The following CNOT6L variants were observed in gnomAD, a reference collection of about 807,000 sequenced individuals.
The protein encoded by CNOT6L is CCR4-NOT transcription complex subunit 6-like.
Under a neutral mutation model 64.0 loss-of-function variants are expected in CNOT6L, and 7 were observed. That is an observed-to-expected ratio of 0.11 (90% CI 0.06 to 0.21). The LOEUF is 0.21. Among genes scored for constraint, CNOT6L ranks in the 10% least tolerant of loss-of-function variants. The pLI, the probability that CNOT6L is intolerant of heterozygous loss-of-function variation, is 1.00. For synonymous variants in CNOT6L, 193 were observed against 243.4 expected, an observed-to-expected ratio of 0.79 and a Z score of 1.93; for missense variants, 245 against 669.0, an observed-to-expected ratio of 0.37 and a Z score of 6.99.
chr4:77,748,371 C>T lies in CNOT6L; in HGVS notation c.504G>A (p.Gln168=), dbSNP rs1724442037. ...ATGTAATCCATGGCCTCGGAGGAAG[C>T]TGCTCTGGATGAACTGAAAAAAATT... is the stretch of plus-strand genomic sequence containing the variant. ...MLDNLAVHPE[Q]LPPRPWITLK... is the part of the protein sequence containing the mutation. Residue 168 remains glutamine, a synonymous_variant, in exon 6 of 12, where the codon CAG becomes CAA. Coordinates refer to ENST00000504123, the MANE Select transcript of CNOT6L (RefSeq NM_144571.3). 1 of 1,612,028 alleles carries T rather than the reference C, an allele frequency of 6.2e-7. No individual in the cohort carries two copies. The highest frequency in any genetic ancestry group is 8.5e-7 in the Non-Finnish European group (1 of 1,178,564).
In CNOT6L at chr4:77,720,360, C is replaced by T. The variant is rs1721151560; in HGVS notation, c.*71G>A. 7.1e-7 allele frequency: 1 copy of T among 1,405,354 alleles called. No homozygotes were observed. The highest frequency in any genetic ancestry group is 1.4e-5 in the African/African-American group (1 of 70,778). The allele number at this position is 1,405,354 out of a possible 1,614,324, so 87.1% of individuals were successfully genotyped here. A position where few individuals can be genotyped will look rare whatever the true frequency, so the allele number is the denominator to read the frequency against. On this transcript the variant is annotated 3_prime_UTR_variant, in exon 12 of 12. Transcript: ENST00000504123. The stretch of plus-strand genomic sequence containing the variant: ...AGCTTAAGGATGGCCATACTTCACT[C>T]CTACATACTTTGATTTACAACTGTA...
rs1278244221 is a variant in CNOT6L, at chr4:77,770,139, G to A, written c.400+2942C>T. Among the ~76,000 whole-genome samples, 5 of 151,888 alleles carry A rather than the reference G, an allele frequency of 3.3e-5. No individual in the cohort carries two copies. In the East Asian group the frequency reaches 5.8e-4, roughly 18 times the overall value. On this transcript the variant is annotated intron_variant, in intron 4 of 11. Coordinates refer to ENST00000504123, the MANE Select transcript of CNOT6L (RefSeq NM_144571.3). Reference sequence around the variant, plus strand: ...ATTCCTCAAATAACTTACTCTCCACGCTCTCCTCAAATCTCAAAATAAAAT... The same window carrying A: ...ATTCCTCAAATAACTTACTCTCCACACTCTCCTCAAATCTCAAAATAAAAT...
At chr4:77,727,555 T>A (rs111543515) in intron 10 of CNOT6L, among the ~76,000 whole-genome samples, 8 of 93,418 alleles carry the variant, frequency 8.6e-5, no homozygotes, top group African/African-American at 3.6e-4. Context: ...AGAGCACAAC[T>A]CTGTCTCAAA....
At chr4:77,752,711 A>C (rs1724986199) in intron 5 of CNOT6L, among the ~76,000 whole-genome samples, 2 of 152,046 alleles carry the variant, frequency 1.3e-5, no homozygotes, top group South Asian at 4.1e-4. Flanking sequence ...AGATACAGCT[A>C]AAAGCCACTT....
At chr4:77,730,172 C>T (rs1722286987) in intron 9 of CNOT6L, among the ~76,000 whole-genome samples, 1 of 152,014 alleles carries the variant, frequency 6.6e-6, no homozygotes, top group Admixed American at 6.6e-5. Context: ...AGTTTCTTTC[C>T]AGTCTCACCA....
chr4:77,725,603 C>T (rs1721762736), intron 11 of CNOT6L, among the ~76,000 whole-genome samples: 1 of 152,034 alleles, frequency 6.6e-6, no homozygotes. Context: ...GAGTGTCCCA[C>T]TGCCTAGGAA....
intron 1 of CNOT6L, among the ~76,000 whole-genome samples, chr4:77,778,891 C>T (rs1728477169): frequency 6.6e-6 from 1 of 151,124 alleles, no homozygotes; most frequent in Non-Finnish European, 1.5e-5. Flanking sequence ...AAAAAAAATA[C>T]AAAAAATTAG....
intron 1 of CNOT6L, among the ~76,000 whole-genome samples, chr4:77,792,752 C>T (rs1051355522): frequency 2.7e-5 from 4 of 145,982 alleles, no homozygotes; most frequent in South Asian, 4.4e-4. Flanking sequence ...AAAGACAAGT[C>T]TAGAAAGTAT....
chr4:77,807,404 C>T (rs190062923), intron 1 of CNOT6L, among the ~76,000 whole-genome samples: 86 of 150,982 alleles, frequency 5.7e-4, no homozygotes, highest in African/African-American at 2.0e-3. Context: ...CACAGTCTAA[C>T]GCAAAACGGA....
intron 2 of CNOT6L, among the ~76,000 whole-genome samples, chr4:77,775,418 A>G (rs1728040627): frequency 6.6e-6 from 1 of 152,334 alleles, no homozygotes; most frequent in South Asian, 2.1e-4. Flanking sequence ...TCTATTTTTA[A>G]TAACTTTAAA....
chr4:77,748,243 T>C, intron 6 of CNOT6L, 73 bp downstream of exon 6: 1 of 1,014,484 alleles, frequency 9.9e-7, no homozygotes, highest in Admixed American at 1.8e-5. Context: ...GTCTTATTTA[T>C]TACAGATCAT....
intron 1 of CNOT6L, among the ~76,000 whole-genome samples, chr4:77,815,781 G>A (rs1733501465): frequency 6.6e-6 from 1 of 152,184 alleles, no homozygotes; most frequent in Non-Finnish European, 1.5e-5. Flanking sequence ...AAATGGTGGA[G>A]TCACAAGATC....
At chr4:77,752,264 A>G (rs878970997) in intron 5 of CNOT6L, among the ~76,000 whole-genome samples, 20 of 152,312 alleles carry the variant, frequency 1.3e-4, no homozygotes, top group Admixed American at 5.9e-4. Flanking sequence ...CACCCTAAGT[A>G]TATGTAATTG....
chr4:77,739,412 A>C lies in CNOT6L; in HGVS notation c.872+2729T>G, dbSNP rs535025224. 3.9e-5 allele frequency among the ~76,000 whole-genome samples: 6 copies of C among 152,350 alleles called. No homozygotes were observed. The East Asian group carries it at 1.2e-3, about 29-fold the overall frequency. On this transcript the variant is annotated intron_variant, in intron 8 of 11. Transcript: ENST00000504123. ...TATACAAATGAAGAAACAGGTCCAG[A>C]AATGCTAAGTCTTTCAACATTATAT...
At chr4:77,739,061 G>C (rs541546670) in intron 8 of CNOT6L, among the ~76,000 whole-genome samples, 151 of 152,310 alleles carry the variant, frequency 9.9e-4, no homozygotes, top group African/African-American at 3.5e-3. Context: ...TTAAAGAACA[G>C]TGTATTATAT....
At chr4:77,783,797 A>C (rs1729148848) in intron 1 of CNOT6L, among the ~76,000 whole-genome samples, 2 of 151,958 alleles carry the variant, frequency 1.3e-5, no homozygotes, top group Admixed American at 1.3e-4. Flanking sequence ...AAACCAAATA[A>C]TTAGATAACC....
intron 4 of CNOT6L, among the ~76,000 whole-genome samples, chr4:77,770,809 CA>C (rs1356727206): frequency 2.0e-5 from 3 of 152,164 alleles, no homozygotes; most frequent in Non-Finnish European, 2.9e-5. Context: ...CAGCCAAAGA[CA>C]ATCGTTTGGA....
intron 8 of CNOT6L, among the ~76,000 whole-genome samples, chr4:77,735,774 G>T (rs1220850025): frequency 6.6e-6 from 1 of 152,074 alleles, no homozygotes; most frequent in Non-Finnish European, 1.5e-5. Flanking sequence ...TTCCTTCCTT[G>T]TTATTTACAG....
chr4:77,816,886 A>G (rs1291087162), intron 1 of CNOT6L, among the ~76,000 whole-genome samples: 6 of 152,158 alleles, frequency 3.9e-5, no homozygotes, highest in Non-Finnish European at 8.8e-5. Flanking sequence ...TATTTTTTCC[A>G]CACAGCAGTT....
Sources: allele counts gnomAD v4.1 joint callset (sites outside exome capture counted in the v4.1 genomes callset), GRCh38; gene constraint gnomAD v4.1.1; transcripts MANE v1.5; gene names NCBI Gene and HGNC (gene_info 2026-07-23, HGNC 2026-07-21).